Variants in FALEC observed in about 807,000 individuals in gnomAD.
FALEC encodes focally amplified lncRNA on chromosome 1.
chr1:150,516,617 T>C (rs770928510), intron 1 of FALEC, among the ~76,000 whole-genome samples: 23 of 152,202 alleles, frequency 1.5e-4, no homozygotes, highest in Non-Finnish European at 2.8e-4. Flanking sequence ...TTCACTGCAA[T>C]TCGTTGTATA....
the FALEC span, among the ~76,000 whole-genome samples, chr1:150,528,583 A>T: frequency 5.7e-5 from 8 of 140,888 alleles, no homozygotes; most frequent in Non-Finnish European, 1.2e-4. Flanking sequence ...ATTACTATTA[A>T]TTTTTTTTTT....
At chr1:150,518,779 G>C (rs587651484), downstream of FALEC, among the ~76,000 whole-genome samples, 1 of 152,056 alleles carries the variant, frequency 6.6e-6, no homozygotes, top group Non-Finnish European at 1.5e-5. Context: ...ATCCCTGGCC[G>C]GGCGCTGTGG....
At chr1:150,522,971 A>ATTT (rs1560270847), downstream of FALEC, among the ~76,000 whole-genome samples, 32 of 31,562 alleles carry the variant, frequency 1.0e-3, 2 homozygotes, top group South Asian at 1.6e-3. Context: ...ATATATATAT[A>ATTT]TATATATATA....
chr1:150,527,505 C>G, the FALEC span, among the ~76,000 whole-genome samples: 1 of 151,518 alleles, frequency 6.6e-6, no homozygotes, highest in Non-Finnish European at 1.5e-5. Flanking sequence ...GTGATCTGCC[C>G]GCCTCAGCCT....
At chr1:150,528,949 G>A in the FALEC span, among the ~76,000 whole-genome samples, 735 of 139,426 alleles carry the variant, frequency 5.3e-3, 4 homozygotes, top group Middle Eastern at 8.1e-3. Flanking sequence ...CTCCACCAGA[G>A]CAGAGACTAT....
At chr1:150,528,018 A>T in the FALEC span, among the ~76,000 whole-genome samples, 2 of 152,094 alleles carry the variant, frequency 1.3e-5, no homozygotes, top group African/African-American at 4.8e-5. Context: ...TCGCTGTATT[A>T]TGGAAGAAAT....
chr1:150,519,845 T>C (rs1319956416), downstream of FALEC, among the ~76,000 whole-genome samples: 1 of 148,012 alleles, frequency 6.8e-6, no homozygotes, highest in Non-Finnish European at 1.5e-5. Context: ...AGAGCGAAAC[T>C]CTGTCTCAAA....
At chr1:150,522,204 G>A (rs1670652096), downstream of FALEC, among the ~76,000 whole-genome samples, 1 of 149,628 alleles carries the variant, frequency 6.7e-6, no homozygotes, top group South Asian at 2.1e-4. Context: ...CCGAGATTAC[G>A]CCACTGCACT....
downstream of FALEC, chr1:150,518,100 A>T (rs1670594418): frequency 6.6e-6 from 1 of 152,214 alleles, no homozygotes; most frequent in Non-Finnish European, 1.5e-5. Flanking sequence ...TGAAGAAGAA[A>T]ATATAGCAAT....
At chr1:150,528,583 ATTT>A in the FALEC span, among the ~76,000 whole-genome samples, 2 of 140,882 alleles carry the variant, frequency 1.4e-5, no homozygotes, top group African/African-American at 2.6e-5. Context: ...ATTACTATTA[ATTT>A]TTTTTTTTTT....
chr1:150,521,744 T>G (rs1670646213), downstream of FALEC, among the ~76,000 whole-genome samples: 1 of 152,226 alleles, frequency 6.6e-6, no homozygotes, highest in African/African-American at 2.4e-5. Context: ...TGTCCATATT[T>G]GCATGGGTCT....
the FALEC span, among the ~76,000 whole-genome samples, chr1:150,532,196 C>T: frequency 2.6e-5 from 4 of 152,278 alleles, no homozygotes; most frequent in Middle Eastern, 6.8e-3. Context: ...CATGAGCCAC[C>T]GCACCCGGCC....
chr1:150,525,592 C>T, the FALEC span, among the ~76,000 whole-genome samples: 3 of 152,118 alleles, frequency 2.0e-5, no homozygotes, highest in African/African-American at 7.2e-5. Flanking sequence ...TTGGTTGGTC[C>T]CACCGTTCTA....
At chr1:150,526,885 C>T in the FALEC span, among the ~76,000 whole-genome samples, 5 of 151,884 alleles carry the variant, frequency 3.3e-5, no homozygotes, top group East Asian at 1.9e-4. Context: ...CCACCAGCCT[C>T]GGCCTCCCAA....
the FALEC span, among the ~76,000 whole-genome samples, chr1:150,536,241 G>T: frequency 6.6e-6 from 1 of 152,220 alleles, no homozygotes; most frequent in Admixed American, 6.5e-5. Context: ...CATGAGCAAA[G>T]TGTCACAGTT....
chr1:150,517,379 G>T (rs1415921061), intron 1 of FALEC, among the ~76,000 whole-genome samples: 2 of 151,806 alleles, frequency 1.3e-5, no homozygotes, highest in Non-Finnish European at 2.9e-5. Context: ...AGGGTTGAGA[G>T]AACCTGTTTG....
chr1:150,520,298 G>C (rs975228012), downstream of FALEC, among the ~76,000 whole-genome samples: 3 of 152,072 alleles, frequency 2.0e-5, no homozygotes, highest in African/African-American at 7.2e-5. Context: ...CCAAACAGAA[G>C]CTCTGTAACC....
chr1:150,536,783 A>G, the FALEC span, among the ~76,000 whole-genome samples: 1 of 152,068 alleles, frequency 6.6e-6, no homozygotes, highest in African/African-American at 2.4e-5. Flanking sequence ...ATAAATAAAC[A>G]AGTAACAAAG....
chr1:150,522,274 G>A (rs972311449), downstream of FALEC, among the ~76,000 whole-genome samples: 7 of 150,158 alleles, frequency 4.7e-5, no homozygotes, highest in South Asian at 1.0e-3. Context: ...AGAAAGAAAA[G>A]CCATGTTGTA....
Sources: gnomAD v4.1 joint callset for allele counts (sites outside exome capture counted in the v4.1 genomes callset) on GRCh38, gnomAD v4.1.1 for gene constraint, MANE v1.5 for transcripts, NCBI Gene and HGNC (gene_info 2026-07-23, HGNC 2026-07-21) for gene names.